MAGI3: variants seen among roughly 807,000 people sequenced by gnomAD.
The protein encoded by MAGI3 is membrane-associated guanylate kinase, WW and PDZ domain-containing protein 3.
Under a neutral mutation model 121.8 loss-of-function variants are expected in MAGI3, and 43 were observed. The ratio of observed to expected loss-of-function variants is 0.35; its 90% CI spans 0.28 to 0.46. MAGI3 has a LOEUF of 0.46. MAGI3 is among the 20% of genes least tolerant of loss of function. The pLI is 1.00. For missense variants in MAGI3, 1,547 were observed against 1,797.3 expected (o/e 0.86, Z 2.52); for synonymous variants, 553 against 639.3 (o/e 0.86, Z 2.04).
At chr1:113,563,556 G>A (rs1660323969) in intron 2 of MAGI3, among the ~76,000 whole-genome samples, 1 of 152,176 alleles carries the variant, frequency 6.6e-6, no homozygotes, top group African/African-American at 2.4e-5. Context: ...ACCTGCAGGA[G>A]ACTTCCTTAC....
At chr1:113,470,649 T>C (rs1459576803) in intron 1 of MAGI3, among the ~76,000 whole-genome samples, 1 of 152,212 alleles carries the variant, frequency 6.6e-6, no homozygotes, top group Non-Finnish European at 1.5e-5. Flanking sequence ...AATTTATTCA[T>C]TGTATAACTG....
intron 9 of MAGI3, among the ~76,000 whole-genome samples, chr1:113,638,349 CT>C (rs1247982706): frequency 3.3e-5 from 5 of 152,194 alleles, no homozygotes; most frequent in Admixed American, 6.5e-5. Flanking sequence ...TTCTTTCCCC[CT>C]CTTTGTGGTT....
At chr1:113,578,906 G>T (rs1338172881) in intron 2 of MAGI3, among the ~76,000 whole-genome samples, 1 of 151,886 alleles carries the variant, frequency 6.6e-6, no homozygotes, top group Non-Finnish European at 1.5e-5. Context: ...ACAGAATGTT[G>T]ACATAATCAT....
intron 19 of MAGI3, 144 bp downstream of exon 19, chr1:113,673,609 A>C (rs1016487543): frequency 1.2e-6 from 1 of 856,090 alleles, no homozygotes; most frequent in African/African-American, 1.7e-5. Flanking sequence ...AAAAAAGGCA[A>C]ATGCTTGTCA....
intron 1 of MAGI3, among the ~76,000 whole-genome samples, chr1:113,460,898 T>G (rs1655000013): frequency 6.6e-6 from 1 of 151,324 alleles, no homozygotes; most frequent in Admixed American, 6.6e-5. Context: ...GGATACAAAA[T>G]CAATGTACAA....
At chr1:113,594,385 A>G in intron 5 of MAGI3, 96 bp from the exon 6 acceptor site, 1 of 834,498 alleles carries the variant, frequency 1.2e-6, no homozygotes, top group Non-Finnish European at 1.8e-6. Context: ...ATTAATGTTC[A>G]AACATCATGT....
chr1:113,578,684 C>G (rs1439969636), intron 2 of MAGI3, among the ~76,000 whole-genome samples: 4 of 151,974 alleles, frequency 2.6e-5, no homozygotes, highest in African/African-American at 9.7e-5. Context: ...AGCTAAGAAG[C>G]TGTTGATTCA....
At chr1:113,509,257 G>A (rs1455339968) in intron 1 of MAGI3, among the ~76,000 whole-genome samples, 1 of 151,632 alleles carries the variant, frequency 6.6e-6, no homozygotes, top group African/African-American at 2.4e-5. Context: ...GAATGACTCC[G>A]TAGTTATTTT....
At chr1:113,668,511 G>T (rs1167991459) in intron 16 of MAGI3, among the ~76,000 whole-genome samples, 1 of 150,430 alleles carries the variant, frequency 6.6e-6, no homozygotes, top group African/African-American at 2.4e-5. Context: ...AAGAATCCCA[G>T]TGATAGGAAG....
chr1:113,610,739 C>G (rs1650074638), intron 6 of MAGI3, among the ~76,000 whole-genome samples: 1 of 152,068 alleles, frequency 6.6e-6, no homozygotes, highest in Non-Finnish European at 1.5e-5. Context: ...AGACCAAGAC[C>G]ATCCTGGCCA....
chr1:113,624,243 G>A (rs1309950024), intron 9 of MAGI3, among the ~76,000 whole-genome samples: 9 of 152,150 alleles, frequency 5.9e-5, no homozygotes, highest in Non-Finnish European at 1.5e-5. Flanking sequence ...TTGCTAGATC[G>A]TATGGTATCT....
chr1:113,642,156 A>G lies in MAGI3; in HGVS notation c.1606A>G (p.Met536Val), dbSNP rs759482937. 29 of 1,614,180 alleles carry G rather than the reference A, an allele frequency of 1.8e-5. No homozygotes were observed. The highest frequency in any genetic ancestry group is 2.0e-5 in the Non-Finnish European group (24 of 1,180,034). The change falls in exon 10 of 21, where the codon ATG becomes GTG. Residue 536 changes from methionine to valine, a missense_variant. Transcript: ENST00000307546. ...TCCTCAGGATTTTAAGCCAGGAGCA[A>G]TGGTTCTGGAGCAGAATGGAAAATC... ...MNPQDFKPGA[M>V]VLEQNGKSGH...
intron 1 of MAGI3, among the ~76,000 whole-genome samples, chr1:113,511,792 A>T (rs1657627582): frequency 6.6e-6 from 1 of 152,240 alleles, no homozygotes; most frequent in Non-Finnish European, 1.5e-5. Flanking sequence ...TTAATTTCTA[A>T]GATAGGACAT....
chr1:113,657,463 C>T (rs1315076534), intron 15 of MAGI3, among the ~76,000 whole-genome samples: 4 of 152,162 alleles, frequency 2.6e-5, no homozygotes, highest in Admixed American at 6.5e-5. Context: ...CCACATTGCT[C>T]GCAGACTGAG....
intron 3 of MAGI3, among the ~76,000 whole-genome samples, chr1:113,583,968 A>G (rs1027048147): frequency 3.9e-5 from 6 of 152,166 alleles, no homozygotes; most frequent in African/African-American, 1.4e-4. Flanking sequence ...TTCATGTTAA[A>G]TGTTTTCCCC....
intron 10 of MAGI3, 75 bp downstream of exon 10, chr1:113,642,591 T>A (rs866126106): frequency 1.4e-6 from 2 of 1,473,616 alleles, no homozygotes; most frequent in Non-Finnish European, 1.8e-6. Flanking sequence ...TCCTTACAGT[T>A]TAGAATGTGT....
intron 5 of MAGI3, among the ~76,000 whole-genome samples, chr1:113,592,228 A>G (rs1230900753): frequency 6.6e-6 from 1 of 152,240 alleles, no homozygotes; most frequent in Non-Finnish European, 1.5e-5. Context: ...TTGCTGCTAG[A>G]TAAAGCTGTT....
At chr1:113,521,417 TTTG>T (rs1271027157) in intron 1 of MAGI3, among the ~76,000 whole-genome samples, 12,165 of 148,762 alleles carry the variant, frequency 0.082, 629 homozygotes, top group African/African-American at 0.13. Context: ...TTTTTTGTTT[TTTG>T]TTTTTAAGAT....
chr1:113,548,217 T>A (rs1463924190), intron 1 of MAGI3, among the ~76,000 whole-genome samples: 1 of 152,250 alleles, frequency 6.6e-6, no homozygotes, highest in Non-Finnish European at 1.5e-5. Context: ...TAAAATAATC[T>A]ATTTTGCCTT....
Sources: gnomAD v4.1 joint callset for allele counts (sites outside exome capture counted in the v4.1 genomes callset) on GRCh38, gnomAD v4.1.1 for gene constraint, MANE v1.5 for transcripts, NCBI Gene and HGNC (gene_info 2026-07-23, HGNC 2026-07-21) for gene names.